RTTN: variants seen among roughly 807,000 people sequenced by gnomAD.
RTTN encodes rotatin.
RTTN carries 182 observed loss-of-function variants against 269.2 expected under a neutral mutation model. The ratio of observed to expected loss-of-function variants is 0.68; its 90% confidence interval spans 0.60 to 0.76. The LOEUF (loss-of-function observed/expected upper bound fraction) is 0.76. Among genes scored for constraint, RTTN ranks in the 30% least tolerant of loss-of-function variants. The pLI is 0.00. For missense variants in RTTN, 2,545 were observed against 2,608.6 expected (o/e 0.98, Z 0.53); for synonymous variants, 1,006 against 963.5 (o/e 1.04, Z -0.82).
At chr18:70,156,185 T>C (rs2060670718) in intron 14 of RTTN, among the ~76,000 whole-genome samples, 1 of 152,206 alleles carries the variant, frequency 6.6e-6, no homozygotes, top group African/African-American at 2.4e-5. Flanking sequence ...CAAAAGCTAA[T>C]GGGAGAAATA....
intron 28 of RTTN, among the ~76,000 whole-genome samples, chr18:70,102,301 T>A (rs576337782): frequency 9.8e-5 from 15 of 152,352 alleles, no homozygotes; most frequent in African/African-American, 2.9e-4. Context: ...TAGCTCTTCT[T>A]CTTGAACTGA....
At chr18:70,162,621 G>A (rs1358169556) in intron 14 of RTTN, among the ~76,000 whole-genome samples, 3 of 151,990 alleles carry the variant, frequency 2.0e-5, no homozygotes, top group Non-Finnish European at 4.4e-5. Context: ...AACAGGATGG[G>A]GGAAACTGCC....
intron 31 of RTTN, among the ~76,000 whole-genome samples, chr18:70,087,781 C>T (rs1351682270): frequency 1.3e-5 from 2 of 152,010 alleles, no homozygotes; most frequent in South Asian, 2.1e-4. Flanking sequence ...TAGTATATTC[C>T]GATTTTATCT....
intron 1 of RTTN, 65 bp downstream of exon 1, chr18:70,205,563 G>C (rs2146211303): frequency 1.9e-6 from 3 of 1,600,436 alleles, no homozygotes; most frequent in East Asian, 2.2e-5. Flanking sequence ...AACGTGACAC[G>C]ACCATTCTCA....
chr18:70,134,025 G>T (rs1368658829), intron 23 of RTTN, among the ~76,000 whole-genome samples: 1 of 152,062 alleles, frequency 6.6e-6, no homozygotes, highest in African/African-American at 2.4e-5. Flanking sequence ...TTGTTAGATG[G>T]GATCATATTG....
intron 28 of RTTN, among the ~76,000 whole-genome samples, chr18:70,103,976 T>C (rs1781791732): frequency 6.6e-6 from 1 of 151,906 alleles, no homozygotes; most frequent in Non-Finnish European, 1.5e-5. Flanking sequence ...TTGGAGTTGC[T>C]CTTCTCAAGG....
Position 70,014,228 on chromosome 18 carries a change from T to C in RTTN, c.6421+3179A>G, listed in dbSNP as rs150729540. 1.6e-4 allele frequency among the ~76,000 whole-genome samples: 24 copies of C among 152,356 alleles called. No individual in the cohort carries two copies. The East Asian group carries it at 4.4e-3, about 28-fold the overall frequency. On this transcript the variant is annotated intron_variant, in intron 46 of 48. Coordinates refer to ENST00000640769, the MANE Select transcript of RTTN (RefSeq NM_173630.4). Reference sequence around the variant, plus strand: ...CTGATTATCATACTGCACAGTAAAGTTCTTGAAGTTCTGTTTGGTTCTTTT... The same window carrying C: ...CTGATTATCATACTGCACAGTAAAGCTCTTGAAGTTCTGTTTGGTTCTTTT...
At chr18:70,065,104 T>G (rs1211134001) in intron 35 of RTTN, among the ~76,000 whole-genome samples, 1 of 152,110 alleles carries the variant, frequency 6.6e-6, no homozygotes, top group Non-Finnish European at 1.5e-5. Context: ...TAATGAAAGT[T>G]CAAAGTTTTA....
chr18:70,085,867 G>A (rs780367068), intron 32 of RTTN, among the ~76,000 whole-genome samples: 7 of 151,984 alleles, frequency 4.6e-5, no homozygotes, highest in Non-Finnish European at 8.8e-5. Context: ...TACCTAACTG[G>A]GTACAATGTT....
chr18:70,158,813 C>T (rs1446304560), intron 14 of RTTN, among the ~76,000 whole-genome samples: 1 of 152,116 alleles, frequency 6.6e-6, no homozygotes, highest in Admixed American at 6.5e-5. Context: ...TCAGACAAAA[C>T]AGACTTTAAA....
intron 1 of RTTN, 138 bp from the exon 2 acceptor site, chr18:70,205,453 G>A (rs1328410160): frequency 7.3e-7 from 1 of 1,361,782 alleles, no homozygotes. Context: ...TTCGGGACGC[G>A]AACCGCGAAG....
chr18:70,196,051 A>G (rs1002100843), intron 7 of RTTN, among the ~76,000 whole-genome samples: 1 of 152,220 alleles, frequency 6.6e-6, no homozygotes, highest in Non-Finnish European at 1.5e-5. Context: ...TTTTCTCTGA[A>G]GTCTCACATT....
intron 43 of RTTN, among the ~76,000 whole-genome samples, chr18:70,028,260 A>C (rs2056909650): frequency 6.6e-6 from 1 of 152,174 alleles, no homozygotes; most frequent in South Asian, 2.1e-4. Context: ...AAATGGTCAC[A>C]GGGAGTCAGC....
intron 40 of RTTN, among the ~76,000 whole-genome samples, chr18:70,044,755 TG>T (rs1267301432): frequency 1.3e-5 from 2 of 152,142 alleles, no homozygotes; most frequent in Non-Finnish European, 2.9e-5. Flanking sequence ...TACTAAGTGA[TG>T]AATGGGCACG....
At chr18:70,157,150 A>T (rs994414503) in intron 14 of RTTN, among the ~76,000 whole-genome samples, 2 of 151,942 alleles carry the variant, frequency 1.3e-5, no homozygotes, top group African/African-American at 4.8e-5. Flanking sequence ...TACCCCCACC[A>T]CAAGTGCACT....
At chr18:70,014,921 G>C (rs1055221612) in intron 46 of RTTN, among the ~76,000 whole-genome samples, 2 of 152,126 alleles carry the variant, frequency 1.3e-5, no homozygotes, top group Non-Finnish European at 2.9e-5. Flanking sequence ...CTTCTTACTT[G>C]TCTGGGCAAG....
chr18:70,032,712 C>A (rs183985945), intron 40 of RTTN, among the ~76,000 whole-genome samples: 1 of 152,202 alleles, frequency 6.6e-6, no homozygotes, highest in Non-Finnish European at 1.5e-5. Context: ...GAGATTTAGA[C>A]TCCCATAGGG....
Position 70,196,646 on chromosome 18 carries a change from G to A in RTTN, c.696C>T (p.Ser232=), listed in dbSNP as rs762469934. The change falls in exon 7 of 49, where the codon AGC becomes AGT. Residue 232 remains serine (S), a splice_region_variant and synonymous_variant. Transcript: ENST00000640769. ...AGGCCAGTTTCAACAGAGATAAAAG[G>A]CTCTGAAATCAAGAAGAGCCGTGAA... ...IFLQRPKIVQ[S]LLSLLKLAFG... is the part of the protein sequence containing the mutation. 2.5e-6 allele frequency: 4 copies of A among 1,606,960 alleles called. No individual in the cohort carries two copies. In the South Asian group the frequency reaches 3.4e-5, roughly 13 times the overall value.
At chr18:70,008,823 T>C (rs1407810782) in intron 46 of RTTN, 1 of 152,106 alleles carries the variant, frequency 6.6e-6, no homozygotes, top group Non-Finnish European at 1.5e-5. Context: ...TGGAACCAAG[T>C]TGGAAAATAC....
Sources: gnomAD v4.1 joint callset for allele counts (sites outside exome capture counted in the v4.1 genomes callset) on GRCh38, gnomAD v4.1.1 for gene constraint, MANE v1.5 for transcripts, NCBI Gene and HGNC (gene_info 2026-07-23, HGNC 2026-07-21) for gene names.